The following STARD13 variants were observed in gnomAD, a reference collection of about 807,000 sequenced individuals.
STARD13 encodes StAR related lipid transfer domain containing 13.
STARD13 carries 62 observed loss-of-function variants against 106.4 expected under a neutral mutation model. That is an observed-to-expected ratio of 0.58 (90% confidence interval 0.48 to 0.72). The LOEUF is 0.72. Among genes scored for constraint, STARD13 ranks in the 30% least tolerant of loss-of-function variants. STARD13 has a pLI of 0.00. For missense variants in STARD13, 1,387 were observed against 1,424.0 expected, an observed-to-expected ratio of 0.97 and a Z score of 0.42; for synonymous variants, 565 against 553.0, an observed-to-expected ratio of 1.02 and a Z score of -0.31.
chr13:33,138,849 G>A, intron 4 of STARD13: 1 of 479,452 alleles, frequency 2.1e-6, no homozygotes, highest in Middle Eastern at 3.4e-4. Context: ...ATCCTTAAAG[G>A]GTCCCTTTTC....
chr13:33,117,148 A>T (rs557533711), intron 8 of STARD13, among the ~76,000 whole-genome samples: 25 of 152,180 alleles, frequency 1.6e-4, no homozygotes, highest in African/African-American at 4.6e-4. Context: ...TCGCTCTGTC[A>T]CCCAGGCCGG....
intron 3 of STARD13, among the ~76,000 whole-genome samples, chr13:33,149,355 C>T (rs1880965534): frequency 6.6e-6 from 1 of 152,072 alleles, no homozygotes; most frequent in Non-Finnish European, 1.5e-5. Context: ...TTGTTGTGAA[C>T]CTAAAAATTC....
chr13:33,219,411 A>C (rs943478282), intron 1 of STARD13, among the ~76,000 whole-genome samples: 2 of 150,878 alleles, frequency 1.3e-5, no homozygotes, highest in African/African-American at 4.9e-5. Flanking sequence ...ATCCCAGTGC[A>C]AAATGAAACA....
the STARD13 span, among the ~76,000 whole-genome samples, chr13:33,370,001 G>T: frequency 6.6e-6 from 1 of 152,110 alleles, no homozygotes; most frequent in South Asian, 2.1e-4. Flanking sequence ...TAAGCTTATT[G>T]TTCATGGCCT....
chr13:33,571,760 A>G, the STARD13 span, among the ~76,000 whole-genome samples: 1 of 152,198 alleles, frequency 6.6e-6, no homozygotes, highest in Non-Finnish European at 1.5e-5. Context: ...GATGCCTGTC[A>G]GTCACAGAAA....
intron 1 of STARD13, among the ~76,000 whole-genome samples, chr13:33,284,931 A>C (rs1891982486): frequency 6.6e-6 from 1 of 152,190 alleles, no homozygotes. Context: ...CAGGAAAACA[A>C]TATTAACACA....
At chr13:33,447,573 A>T in the STARD13 span, among the ~76,000 whole-genome samples, 1 of 152,246 alleles carries the variant, frequency 6.6e-6, no homozygotes, top group African/African-American at 2.4e-5. Flanking sequence ...TTCCTCTGGA[A>T]AATGTCATGC....
chr13:33,239,176 G>A (rs1280599473), intron 1 of STARD13, among the ~76,000 whole-genome samples: 2 of 152,152 alleles, frequency 1.3e-5, no homozygotes, highest in South Asian at 2.1e-4. Context: ...TGACCTCAAG[G>A]CTCACACACG....
At chr13:33,329,340 C>A (rs1260102571) in intron 1 of STARD13, among the ~76,000 whole-genome samples, 1 of 152,044 alleles carries the variant, frequency 6.6e-6, no homozygotes, top group Non-Finnish European at 1.5e-5. Context: ...TCTTCATATA[C>A]ATTGTGAAAT....
At position 33,298,190 on chromosome 13, in the gene STARD13, C is replaced by T. The variant is rs180810616; in HGVS notation, c.124+52100G>A. ...TGTCACCCAGGCTGGAGTGCAGTGG[C>T]GCCATCTCAGCTCACTGCAACCTCT... On this transcript the variant is annotated intron_variant, in intron 1 of 5. Coordinates refer to the STARD13 transcript ENST00000567873. Among the ~76,000 whole-genome samples, 1,026 of 137,256 alleles carry T rather than the reference C, an allele frequency of 7.5e-3. 8 individuals are homozygous for T. Among genetic ancestry groups the T allele is most frequent in the African/African-American group, 0.024 (890 of 36,472 alleles). The allele number at this position is 137,256 out of a possible 152,430, so 90.0% of individuals were successfully genotyped here. A position where few individuals can be genotyped will look rare whatever the true frequency, so the allele number is the denominator to read the frequency against.
chr13:33,283,008 C>T (rs1594215497), intron 1 of STARD13, among the ~76,000 whole-genome samples: 1 of 151,986 alleles, frequency 6.6e-6, no homozygotes, highest in African/African-American at 2.4e-5. Context: ...CCAGCCTCGG[C>T]GACAGAGTAA....
upstream of STARD13, among the ~76,000 whole-genome samples, chr13:33,352,161 G>A (rs114044164): frequency 1.3e-5 from 2 of 152,210 alleles, no homozygotes; most frequent in African/African-American, 2.4e-5. Context: ...TGTGACAGCC[G>A]GTTATATAGA....
At chr13:33,467,863 G>A in the STARD13 span, among the ~76,000 whole-genome samples, 3 of 152,120 alleles carry the variant, frequency 2.0e-5, no homozygotes, top group South Asian at 6.2e-4. Context: ...CTGTTCAAGG[G>A]AAAGAACAGA....
chr13:33,557,127 C>T, the STARD13 span, among the ~76,000 whole-genome samples: 1 of 152,118 alleles, frequency 6.6e-6, no homozygotes, highest in South Asian at 2.1e-4. Flanking sequence ...TAAAGAAATC[C>T]TTACTGTTGC....
chr13:33,435,658 C>T, the STARD13 span, among the ~76,000 whole-genome samples: 1 of 152,034 alleles, frequency 6.6e-6, no homozygotes, highest in Non-Finnish European at 1.5e-5. Flanking sequence ...TTTTGAAAGG[C>T]TCTGGTTTCA....
intron 1 of STARD13, among the ~76,000 whole-genome samples, chr13:33,309,238 C>T (rs1473296397): frequency 6.6e-6 from 1 of 152,204 alleles, no homozygotes; most frequent in Non-Finnish European, 1.5e-5. Context: ...CATGAGCCCT[C>T]CTGGGATCAT....
At chr13:33,547,519 A>G in the STARD13 span, among the ~76,000 whole-genome samples, 3,018 of 152,338 alleles carry the variant, frequency 0.02, 46 homozygotes, top group Non-Finnish European at 0.025. Context: ...GGTAAAATAT[A>G]TGGAAGAGCA....
chr13:33,670,493 A>G, the STARD13 span, among the ~76,000 whole-genome samples: 5 of 152,204 alleles, frequency 3.3e-5, no homozygotes, highest in Non-Finnish European at 5.9e-5. Flanking sequence ...GGGCTTGTGC[A>G]CTTATGATTA....
chr13:33,112,584 A>G, intron 9 of STARD13, 137 bp downstream of exon 9: 3 of 709,626 alleles, frequency 4.2e-6, no homozygotes, highest in Non-Finnish European at 4.7e-6. Context: ...TGATCTATCT[A>G]CCTACCTATC....
Sources: gnomAD v4.1 joint callset for allele counts (sites outside exome capture counted in the v4.1 genomes callset) on GRCh38, gnomAD v4.1.1 for gene constraint, MANE v1.5 for transcripts, NCBI Gene and HGNC (gene_info 2026-07-23, HGNC 2026-07-21) for gene names.